OPRM1: variants seen among roughly 807,000 people sequenced by gnomAD.
OPRM1 encodes mu-type opioid receptor.
OPRM1 carries 27 observed loss-of-function variants against 31.8 expected under a neutral mutation model. The ratio of observed to expected loss-of-function variants is 0.85; its 90% confidence interval spans 0.63 to 1.17. The LOEUF (loss-of-function observed/expected upper bound fraction) is 1.17, where lower values mean the gene tolerates loss of function less well. OPRM1 is among the 50% of genes most tolerant of loss of function. The pLI is 0.00. For synonymous variants in OPRM1, 196 were observed against 189.9 expected (o/e 1.03, Z -0.26); for missense variants, 536 against 511.1 (o/e 1.05, Z -0.47).
At chr6:154,032,999 A>G (rs1403754844) in intron 1 of OPRM1, among the ~76,000 whole-genome samples, 3 of 152,246 alleles carry the variant, frequency 2.0e-5, no homozygotes, top group African/African-American at 7.2e-5. Context: ...CTATCAGTAT[A>G]TAGGTTAAAA....
chr6:154,146,781 C>G (rs554389999), intron 3 of OPRM1, among the ~76,000 whole-genome samples: 3 of 151,940 alleles, frequency 2.0e-5, no homozygotes, highest in Non-Finnish European at 4.4e-5. Context: ...AGAGCCATGC[C>G]GAGGGGTGGG....
intron 3 of OPRM1, among the ~76,000 whole-genome samples, chr6:154,163,819 T>C (rs1248022664): frequency 6.6e-6 from 1 of 152,154 alleles, no homozygotes; most frequent in Admixed American, 6.5e-5. Flanking sequence ...CATAGATCAA[T>C]AGCTGGATAG....
chr6:154,025,228 T>A (rs1778627311), intron 1 of OPRM1, among the ~76,000 whole-genome samples: 1 of 152,046 alleles, frequency 6.6e-6, no homozygotes. Context: ...TATTTGAAAT[T>A]GTTATATCTG....
At chr6:154,039,888 A>T in intron 1 of OPRM1, 54 bp downstream of exon 1, 4 of 1,472,052 alleles carry the variant, frequency 2.7e-6, no homozygotes, top group Non-Finnish European at 3.6e-6. Context: ...AAGGGGGTAC[A>T]AAGAGACACC....
At chr6:154,137,718 C>A (rs903383770) in intron 3 of OPRM1, among the ~76,000 whole-genome samples, 2 of 152,100 alleles carry the variant, frequency 1.3e-5, no homozygotes, top group Admixed American at 6.5e-5. Context: ...GTTTTATATA[C>A]CATGAGAGTT....
In OPRM1 at chr6:154,149,331, T is replaced by C. The variant is rs186418319; in HGVS notation, c.1164+57859T>C. Among the ~76,000 whole-genome samples the C allele has an allele frequency of 3.0e-3, 449 of 152,184 alleles. 3 individuals carry two copies. The highest frequency in any genetic ancestry group is 0.01 in the African/African-American group (421 of 41,508). ...AGATCTTGTGAGAACTCACTCACTA[T>C]CACAAGAACAGCATGGGGGTAACTG... On this transcript the variant is annotated intron_variant, in intron 3 of 3. Coordinates refer to the OPRM1 transcript ENST00000337049.
intron 3 of OPRM1, among the ~76,000 whole-genome samples, chr6:154,186,553 T>C (rs114211643): frequency 0.016 from 2,412 of 149,708 alleles, 62 homozygotes; most frequent in African/African-American, 0.055. Context: ...CTCCTTTCTT[T>C]CTTTTTTTCT....
At chr6:154,087,300 AAC>A in intron 1 of OPRM1, 1 of 985,434 alleles carries the variant, frequency 1.0e-6, no homozygotes, top group Middle Eastern at 5.2e-4. Context: ...TTGAAACCAA[AAC>A]ACTTTCCTGG....
At chr6:154,046,716 C>G (rs1035311739) in intron 1 of OPRM1, 1 of 152,130 alleles carries the variant, frequency 6.6e-6, no homozygotes, top group Non-Finnish European at 1.5e-5. Flanking sequence ...AAAGGAAGAA[C>G]AGCAAGGAAG....
chr6:154,213,179 T>A (rs1045814391), intron 3 of OPRM1: 4 of 282,306 alleles, frequency 1.4e-5, no homozygotes, highest in African/African-American at 8.6e-5. Context: ...TGATTAATTT[T>A]GATTGTAGGA....
chr6:154,012,037 T>C (rs712242), intron 1 of OPRM1, among the ~76,000 whole-genome samples: 74,127 of 151,976 alleles, frequency 0.49, 18,469 homozygotes, highest in East Asian at 0.73. Flanking sequence ...TTAGCAGTTA[T>C]ATGATGAGAC....
At position 154,169,124 on chromosome 6, in the gene OPRM1, G is replaced by A. The variant is rs147211949; in HGVS notation, c.1165-77569G>A. 1.6e-3 allele frequency among the ~76,000 whole-genome samples: 250 copies of A among 151,530 alleles called. 2 individuals are homozygous for A. Among genetic ancestry groups the A allele is most frequent in the African/African-American group, 5.8e-3 (238 of 41,354 alleles). ...GCCTGTAATCCCAACACTTTGGGAG[G>A]CCAAGGCAGGAGGATCGCCTGAGCT... On this transcript the variant is annotated intron_variant, in intron 3 of 3. Coordinates refer to the OPRM1 transcript ENST00000337049.
chr6:154,227,810 C>A (rs189003542), intron 3 of OPRM1, among the ~76,000 whole-genome samples: 79 of 152,236 alleles, frequency 5.2e-4, no homozygotes, highest in African/African-American at 1.8e-3. Flanking sequence ...ATAAGTGAAA[C>A]AGCTGAGATT....
At chr6:154,218,433 C>T (rs1286431109) in intron 3 of OPRM1, among the ~76,000 whole-genome samples, 1 of 152,162 alleles carries the variant, frequency 6.6e-6, no homozygotes, top group Non-Finnish European at 1.5e-5. Context: ...CTTCATCGTC[C>T]CTGAGAGAAA....
chr6:154,071,542 TC>T (rs1465972401), intron 1 of OPRM1, among the ~76,000 whole-genome samples: 1 of 150,986 alleles, frequency 6.6e-6, no homozygotes, highest in Non-Finnish European at 1.5e-5. Flanking sequence ...CCCAGGAATA[TC>T]CCTGTAGTTT....
At chr6:154,114,885 A>G (rs1305189976) in intron 3 of OPRM1, among the ~76,000 whole-genome samples, 1 of 152,002 alleles carries the variant, frequency 6.6e-6, no homozygotes, top group Admixed American at 6.6e-5. Flanking sequence ...TTAAAAAAAA[A>G]AAAACAAAAA....
chr6:154,201,898 A>C (rs906716817), intron 3 of OPRM1, among the ~76,000 whole-genome samples: 9 of 152,214 alleles, frequency 5.9e-5, no homozygotes, highest in African/African-American at 1.9e-4. Context: ...CCATCTCAAA[A>C]AAACAAACAA....
At position 154,039,761 on chromosome 6, in the gene OPRM1, A is replaced by G; in HGVS notation, c.217A>G (p.Ile73Val). The G allele has an allele frequency of 1.9e-6, 3 of 1,605,994 alleles. No individual in the cohort carries two copies. Among genetic ancestry groups the G allele is most frequent in the Middle Eastern group, 1.7e-4 (1 of 6,058 alleles). The change falls in exon 1 of 4, where the codon ATC (isoleucine) becomes GTC (valine). Residue 73 changes from isoleucine (I) to valine (V), a missense_variant. Physicochemically the swap from Ile to Val is conservative, Grantham distance 29. Coordinates refer to ENST00000330432, the MANE Select transcript of OPRM1 (RefSeq NM_000914.5). ...TCCCTCCATGATCACGGCCATCACG[A>G]TCATGGCCCTCTACTCCATCGTGTG... Reference protein sequence around the residue: ...GSPSMITAITIMALYSIVCVV... With the variant: ...GSPSMITAITVMALYSIVCVV...
chr6:154,171,327 A>G (rs756191358), intron 3 of OPRM1, among the ~76,000 whole-genome samples: 3 of 152,206 alleles, frequency 2.0e-5, no homozygotes, highest in Non-Finnish European at 4.4e-5. Context: ...AACATGGGTG[A>G]ACCTTGAAAA....
Sources: allele counts gnomAD v4.1 joint callset (sites outside exome capture counted in the v4.1 genomes callset), GRCh38; gene constraint gnomAD v4.1.1; transcripts MANE v1.5; gene names NCBI Gene and HGNC (gene_info 2026-07-23, HGNC 2026-07-21).